C2orf76: variants seen among roughly 807,000 people sequenced by gnomAD.
C2orf76 encodes chromosome 2 open reading frame 76, also known as UPF0538 protein C2orf76.
A neutral mutation model predicts 16.9 loss-of-function variants in C2orf76; 23 were observed. The ratio of observed to expected loss-of-function variants is 1.36; its 90% CI spans 0.98 to 1.93. The LOEUF (loss-of-function observed/expected upper bound fraction) is 1.93. C2orf76 is among the 30% of genes most tolerant of loss of function. C2orf76 has a pLI of 0.00. For missense variants in C2orf76, 152 were observed against 152.6 expected, an observed-to-expected ratio of 1.00 and a Z score of 0.02; for synonymous variants, 48 against 52.3, an observed-to-expected ratio of 0.92 and a Z score of 0.35.
At chr2:119,294,922 T>C in the C2orf76 span, among the ~76,000 whole-genome samples, 55,537 of 151,600 alleles carry the variant, frequency 0.37, 10,198 homozygotes, top group East Asian at 0.44. Flanking sequence ...GCATAGAGGA[T>C]CTCAAGTCAG....
intron 3 of C2orf76, among the ~76,000 whole-genome samples, chr2:119,319,390 T>C (rs1573635416): frequency 6.6e-6 from 1 of 152,332 alleles, no homozygotes; most frequent in African/African-American, 2.4e-5. Flanking sequence ...CTTTCTGTGT[T>C]GAATAAGCTG....
downstream of C2orf76, among the ~76,000 whole-genome samples, chr2:119,299,775 G>A (rs549661840): frequency 7.9e-5 from 12 of 152,186 alleles, no homozygotes; most frequent in African/African-American, 2.9e-4. Flanking sequence ...AAAATGCACA[G>A]GTAAAGATAT....
the C2orf76 span, among the ~76,000 whole-genome samples, chr2:119,282,606 T>G: frequency 2.0e-5 from 3 of 152,184 alleles, no homozygotes; most frequent in Non-Finnish European, 2.9e-5. Flanking sequence ...AACAAACACC[T>G]GTAAAGCGTC....
In C2orf76 at chr2:119,341,945, C is replaced by T. The variant is rs76381598; in HGVS notation, c.-12-1974G>A. Among the ~76,000 whole-genome samples the T allele has an allele frequency of 4.1e-3, 620 of 152,154 alleles. 7 individuals are homozygous for T. The highest frequency in any genetic ancestry group is 0.014 in the Middle Eastern group (4 of 294). On this transcript the variant is annotated intron_variant, in intron 1 of 5. Coordinates refer to ENST00000334816, the MANE Select transcript of C2orf76 (RefSeq NM_001322331.2). ...AGCAGTACTTTTGGAGACAATAAGG[C>T]GATCTTTAGTAAAACTGAAGATACA...
chr2:119,365,634 G>T (rs956207925), intron 1 of C2orf76, among the ~76,000 whole-genome samples: 2 of 152,160 alleles, frequency 1.3e-5, no homozygotes, highest in Admixed American at 1.3e-4. Flanking sequence ...AGAGAGGAAT[G>T]ACTTTGCTTT....
chr2:119,350,520 A>G (rs543618506), intron 1 of C2orf76, among the ~76,000 whole-genome samples: 1 of 152,324 alleles, frequency 6.6e-6, no homozygotes, highest in Non-Finnish European at 1.5e-5. Flanking sequence ...CAAAGCAAAC[A>G]CAAAACTTCC....
chr2:119,349,112 A>C (rs1307041896), intron 1 of C2orf76, among the ~76,000 whole-genome samples: 1 of 152,234 alleles, frequency 6.6e-6, no homozygotes, highest in East Asian at 1.9e-4. Context: ...CTTTACCAAA[A>C]CATTAACAGT....
intron 5 of C2orf76, among the ~76,000 whole-genome samples, chr2:119,308,099 G>A (rs536936672): frequency 3.3e-5 from 5 of 152,220 alleles, no homozygotes; most frequent in South Asian, 2.1e-4. Flanking sequence ...CATTCTAACC[G>A]ATTTTCCCCA....
chr2:119,304,879 T>C (rs1320331743), intron 5 of C2orf76, among the ~76,000 whole-genome samples: 1 of 152,212 alleles, frequency 6.6e-6, no homozygotes, highest in Non-Finnish European at 1.5e-5. Context: ...TTATAAATGA[T>C]TTTTAAGGTT....
chr2:119,335,111 C>T lies in C2orf76; in HGVS notation c.133+4716G>A, dbSNP rs192195799. Among the ~76,000 whole-genome samples the T allele has an allele frequency of 2.3e-3, 349 of 152,176 alleles. 1 individual carries two copies. The highest frequency in any genetic ancestry group is 2.6e-3 in the Non-Finnish European group (179 of 68,004). On this transcript the variant is annotated intron_variant, in intron 2 of 5. Coordinates refer to ENST00000334816, the MANE Select transcript of C2orf76 (RefSeq NM_001322331.2). The stretch of plus-strand genomic sequence containing the variant: ...AGATGGAAAGATCAGTAAGAACTCA[C>T]GTTTAATGTATTTGTATATAGATCA...
intron 1 of C2orf76, among the ~76,000 whole-genome samples, chr2:119,352,618 C>T (rs1680440122): frequency 6.6e-6 from 1 of 152,174 alleles, no homozygotes; most frequent in Non-Finnish European, 1.5e-5. Flanking sequence ...CTATAAATAC[C>T]ACCTGCTGGG....
At chr2:119,347,264 T>C (rs1415357538) in intron 1 of C2orf76, among the ~76,000 whole-genome samples, 2 of 151,960 alleles carry the variant, frequency 1.3e-5, no homozygotes, top group South Asian at 2.1e-4. Flanking sequence ...TGGTGGAAAA[T>C]TGTACTGGAA....
intron 3 of C2orf76, among the ~76,000 whole-genome samples, chr2:119,319,745 C>A (rs1679286487): frequency 6.6e-6 from 1 of 152,070 alleles, no homozygotes; most frequent in South Asian, 2.1e-4. Flanking sequence ...CAGCCCTTTG[C>A]CAAAGGGTAG....
chr2:119,291,369 C>T, the C2orf76 span, among the ~76,000 whole-genome samples: 1 of 151,852 alleles, frequency 6.6e-6, no homozygotes, highest in Non-Finnish European at 1.5e-5. Flanking sequence ...CCACCTGAAG[C>T]AAGTTACAGC....
At chr2:119,309,983 A>C (rs1678929984) in intron 5 of C2orf76, among the ~76,000 whole-genome samples, 1 of 152,256 alleles carries the variant, frequency 6.6e-6, no homozygotes, top group East Asian at 1.9e-4. Context: ...TTTGTAATAA[A>C]AACAGAGATG....
chr2:119,345,678 TC>T (rs929927832), intron 1 of C2orf76, among the ~76,000 whole-genome samples: 8 of 152,308 alleles, frequency 5.3e-5, no homozygotes, highest in Admixed American at 5.2e-4. Flanking sequence ...ACCCTTCCTT[TC>T]TTGTACAGAC....
rs1445448682 is a variant in C2orf76 at position 119,355,018 on chromosome 2, C to T, written c.-13+11772G>A. Among the ~76,000 whole-genome samples, 4 of 152,162 alleles carry T rather than the reference C, an allele frequency of 2.6e-5. No homozygotes were observed. The East Asian group carries it at 7.7e-4, about 29-fold the overall frequency. ...AAATCAACATCTACAATTCCTCAGACCTGCCATTATGACCTTGAATCTGGA... is the reference window on the plus strand; with the variant it reads ...AAATCAACATCTACAATTCCTCAGATCTGCCATTATGACCTTGAATCTGGA... On this transcript the variant is annotated intron_variant, in intron 1 of 5. Coordinates refer to ENST00000334816, the MANE Select transcript of C2orf76 (RefSeq NM_001322331.2).
At chr2:119,328,805 T>C (rs1423306479) in intron 2 of C2orf76, among the ~76,000 whole-genome samples, 1 of 152,170 alleles carries the variant, frequency 6.6e-6, no homozygotes, top group Non-Finnish European at 1.5e-5. Context: ...TTCCACTCAG[T>C]TCAAAATACC....
chr2:119,309,347 C>T (rs1008017268), intron 5 of C2orf76, among the ~76,000 whole-genome samples: 2 of 149,562 alleles, frequency 1.3e-5, no homozygotes, highest in Non-Finnish European at 3.0e-5. Context: ...ATAGTAATTA[C>T]AAGGGCTCTT....
Sources: allele counts gnomAD v4.1 joint callset (sites outside exome capture counted in the v4.1 genomes callset), GRCh38; gene constraint gnomAD v4.1.1; transcripts MANE v1.5; gene names NCBI Gene and HGNC (gene_info 2026-07-23, HGNC 2026-07-21).